Variants in STARD13 observed in about 807,000 individuals in gnomAD.
The protein encoded by STARD13 is StAR related lipid transfer domain containing 13.
In STARD13, 62 loss-of-function variants were observed where a neutral mutation model predicts 106.4. The ratio of observed to expected loss-of-function variants is 0.58; its 90% CI spans 0.48 to 0.72. The LOEUF is 0.72. STARD13 is among the 30% of genes least tolerant of loss of function. STARD13 has a pLI of 0.00. For synonymous variants in STARD13, 565 were observed against 553.0 expected, an observed-to-expected ratio of 1.02 and a Z score of -0.31; for missense variants, 1,387 against 1,424.0, an observed-to-expected ratio of 0.97 and a Z score of 0.42.
chr13:33,307,730 G>A (rs1460296669), intron 1 of STARD13, among the ~76,000 whole-genome samples: 2 of 151,930 alleles, frequency 1.3e-5, no homozygotes, highest in Non-Finnish European at 2.9e-5. Flanking sequence ...CTAGGTGATG[G>A]GTTCATAGCT....
chr13:33,434,816 G>A, the STARD13 span, among the ~76,000 whole-genome samples: 1 of 151,802 alleles, frequency 6.6e-6, no homozygotes, highest in Non-Finnish European at 1.5e-5. Flanking sequence ...AGTCTATTGG[G>A]AGCAAGGGAT....
At chr13:33,194,394 GTTTTCATTAAAAA>G (rs922293069) in intron 1 of STARD13, among the ~76,000 whole-genome samples, 13 of 151,718 alleles carry the variant, frequency 8.6e-5, no homozygotes, top group Non-Finnish European at 1.9e-4. Context: ...GAGGATTAAT[GTTTTCATTAAAAA>G]AATATTTTGA....
At chr13:33,174,612 A>C (rs1884320806) in intron 1 of STARD13, among the ~76,000 whole-genome samples, 1 of 152,216 alleles carries the variant, frequency 6.6e-6, no homozygotes, top group African/African-American at 2.4e-5. Flanking sequence ...ACAGCAGACC[A>C]GCTGCTGACA....
the STARD13 span, among the ~76,000 whole-genome samples, chr13:33,470,347 A>G: frequency 6.6e-6 from 1 of 152,158 alleles, no homozygotes. Context: ...GGTTGGTTCC[A>G]AGTCTTTGCT....
At chr13:33,417,140 A>T in the STARD13 span, among the ~76,000 whole-genome samples, 2 of 152,244 alleles carry the variant, frequency 1.3e-5, no homozygotes, top group South Asian at 2.1e-4. Context: ...ATCATTAGTC[A>T]TTAGAAAAAT....
chr13:33,522,826 A>G, the STARD13 span, among the ~76,000 whole-genome samples: 1 of 152,178 alleles, frequency 6.6e-6, no homozygotes, highest in East Asian at 1.9e-4. Context: ...TAAATTCAGC[A>G]TAACATGAAT....
At chr13:33,158,285 T>G (rs750193445) in intron 3 of STARD13, among the ~76,000 whole-genome samples, 7 of 152,188 alleles carry the variant, frequency 4.6e-5, no homozygotes, top group Non-Finnish European at 7.3e-5. Flanking sequence ...GACATATCCT[T>G]AGTACAATAC....
intron 1 of STARD13, among the ~76,000 whole-genome samples, chr13:33,211,400 A>T (rs1193381827): frequency 4.6e-5 from 7 of 152,140 alleles, no homozygotes; most frequent in Non-Finnish European, 1.0e-4. Context: ...CACTATTAAC[A>T]GTTTGGTGTG....
At chr13:33,317,948 A>G (rs1210406081) in intron 1 of STARD13, among the ~76,000 whole-genome samples, 1 of 152,212 alleles carries the variant, frequency 6.6e-6, no homozygotes, top group East Asian at 1.9e-4. Context: ...CCAGTTCCCA[A>G]GAACTAACTT....
At chr13:33,468,696 T>C in the STARD13 span, among the ~76,000 whole-genome samples, 3 of 152,156 alleles carry the variant, frequency 2.0e-5, no homozygotes, top group African/African-American at 7.2e-5. Flanking sequence ...AAGTTTCCAG[T>C]GTCCAGAATT....
chr13:33,131,192 T>C (rs1387783408), intron 4 of STARD13, among the ~76,000 whole-genome samples: 3 of 152,216 alleles, frequency 2.0e-5, no homozygotes, highest in Non-Finnish European at 4.4e-5. Context: ...GCATATCATT[T>C]CCTTCTGAAA....
At chr13:33,341,221 T>C (rs186812659) in intron 1 of STARD13, among the ~76,000 whole-genome samples, 30 of 152,362 alleles carry the variant, frequency 2.0e-4, no homozygotes, top group African/African-American at 7.0e-4. Context: ...ATATGTGCTT[T>C]GTTCAACATA....
At chr13:33,242,158 G>C (rs562286845) in intron 1 of STARD13, among the ~76,000 whole-genome samples, 3 of 152,056 alleles carry the variant, frequency 2.0e-5, no homozygotes, top group Non-Finnish European at 2.9e-5. Flanking sequence ...CGGCCGCCCC[G>C]TCTGAGAAGT....
chr13:33,447,772 A>G, the STARD13 span, among the ~76,000 whole-genome samples: 1 of 152,214 alleles, frequency 6.6e-6, no homozygotes. Context: ...TCTGTGAGAA[A>G]TGGAGAGATG....
chr13:33,645,018 T>C, the STARD13 span, among the ~76,000 whole-genome samples: 5 of 152,212 alleles, frequency 3.3e-5, no homozygotes, highest in African/African-American at 1.2e-4. Context: ...AGTAGTTCTT[T>C]GTGGTAGATT....
At chr13:33,325,722 C>A (rs1004216717) in intron 1 of STARD13, among the ~76,000 whole-genome samples, 1 of 152,076 alleles carries the variant, frequency 6.6e-6, no homozygotes, top group Non-Finnish European at 1.5e-5. Context: ...TGGCCGGGCG[C>A]GGTGGCTCAC....
chr13:33,449,367 C>T, the STARD13 span, among the ~76,000 whole-genome samples: 4 of 152,106 alleles, frequency 2.6e-5, no homozygotes, highest in African/African-American at 7.2e-5. Flanking sequence ...ACATTCCTTT[C>T]CCCATTTTGT....
chr13:33,508,235 C>T, the STARD13 span, among the ~76,000 whole-genome samples: 1 of 152,174 alleles, frequency 6.6e-6, no homozygotes, highest in East Asian at 1.9e-4. Context: ...AAGTATAGTA[C>T]TACATTCCTA....
chr13:33,303,071 T>C (rs1892778972), intron 1 of STARD13, among the ~76,000 whole-genome samples: 1 of 152,072 alleles, frequency 6.6e-6, no homozygotes, highest in South Asian at 2.1e-4. Flanking sequence ...TCTCACTCCT[T>C]CAATTCCCAC....
Sources: allele counts gnomAD v4.1 joint callset (sites outside exome capture counted in the v4.1 genomes callset), GRCh38; gene constraint gnomAD v4.1.1; transcripts MANE v1.5; gene names NCBI Gene and HGNC (gene_info 2026-07-23, HGNC 2026-07-21).